The following PIEZO2 variants were observed in gnomAD, a reference collection of about 807,000 sequenced individuals.
PIEZO2 encodes piezo type mechanosensitive ion channel component 2, also known as piezo-type mechanosensitive ion channel component 2.
In PIEZO2, 172 loss-of-function variants were observed where a neutral mutation model predicts 337.3. The observed-to-expected ratio is 0.51, with a 90% CI of 0.45 to 0.58. PIEZO2 has a LOEUF of 0.58. Among genes scored for constraint, PIEZO2 ranks in the 20% least tolerant of loss-of-function variants. PIEZO2 has a pLI of 0.00. For missense variants in PIEZO2, 3,028 were observed against 3,391.3 expected, an observed-to-expected ratio of 0.89 and a Z score of 2.66; for synonymous variants, 1,251 against 1,228.5, an observed-to-expected ratio of 1.02 and a Z score of -0.38.
Position 11,027,297 on chromosome 18 carries a change from A to G in PIEZO2, c.160+38830T>C, listed in dbSNP as rs1014192160. ...GAGTTCTGAGCTCCAGTCAAGGTAT[A>G]ACCGGGCTCTGCTGGACCTGTGTGT... On this transcript the variant is annotated intron_variant, in intron 2 of 55. Transcript: ENST00000674853. The surrounding 1 kb of genome is among the most constrained non-coding windows in gnomAD (Gnocchi z 4.2). Among the ~76,000 whole-genome samples, 1 of 152,168 alleles carries G rather than the reference A, an allele frequency of 6.6e-6. No individual in the cohort carries two copies.
intron 5 of PIEZO2, among the ~76,000 whole-genome samples, chr18:10,858,800 G>A (rs901478899): frequency 6.6e-6 from 1 of 152,038 alleles, no homozygotes; most frequent in Non-Finnish European, 1.5e-5. Flanking sequence ...GATGCACCCA[G>A]CCAGCCCTCC....
chr18:10,827,568 T>C (rs2040713521), intron 7 of PIEZO2, among the ~76,000 whole-genome samples: 2 of 152,086 alleles, frequency 1.3e-5, no homozygotes, highest in South Asian at 4.1e-4. Context: ...GAAGCTTAGG[T>C]GGTATTAGGC....
chr18:10,814,390 T>A (rs549902538), intron 7 of PIEZO2, among the ~76,000 whole-genome samples: 4 of 152,288 alleles, frequency 2.6e-5, no homozygotes, highest in African/African-American at 7.2e-5. Context: ...AAACGAATAT[T>A]TGGGGACAAA....
chr18:10,808,580 A>G (rs910007331), intron 7 of PIEZO2, among the ~76,000 whole-genome samples: 11 of 152,186 alleles, frequency 7.2e-5, no homozygotes, highest in Non-Finnish European at 1.2e-4. Flanking sequence ...TAGATATTAA[A>G]CTAACTTTCT....
chr18:11,015,928 T>G (rs186536126), intron 2 of PIEZO2, among the ~76,000 whole-genome samples: 4 of 152,298 alleles, frequency 2.6e-5, no homozygotes, highest in South Asian at 4.1e-4. Flanking sequence ...TTTCTAAACG[T>G]TTTTGTAAGG....
chr18:10,780,423 A>C, intron 17 of PIEZO2, 57 bp from the exon 18 acceptor site: 2 of 702,650 alleles, frequency 2.8e-6, no homozygotes, highest in Non-Finnish European at 5.2e-6. Flanking sequence ...TTGGAGAGAA[A>C]GAGAGGAGAC....
rs2040815131 is a variant in PIEZO2, at chr18:11,146,467, C to A, written c.64+2058G>T. On this transcript the variant is annotated intron_variant, in intron 1 of 55. Transcript: ENST00000674853. This position sits in a 1 kb window ranked among gnomAD's most constrained non-coding sequence, Gnocchi z 6.1. ...CCACCTCCACCCTGGCTGCGAGTCA[C>A]CGCCCCGAGCCCCTGTGCCCAGCAA... is the stretch of plus-strand genomic sequence containing the variant. 1.3e-5 allele frequency among the ~76,000 whole-genome samples: 2 copies of A among 152,172 alleles called. No homozygotes were observed. The highest frequency in any genetic ancestry group is 2.9e-5 in the Non-Finnish European group (2 of 68,034).
intron 36 of PIEZO2, among the ~76,000 whole-genome samples, chr18:10,719,150 G>T (rs1288447092): frequency 6.6e-6 from 1 of 152,028 alleles, no homozygotes; most frequent in Non-Finnish European, 1.5e-5. Context: ...GAAAGTGCAA[G>T]ATAACCAGTT....
rs1317704705 is a variant in PIEZO2 at position 10,853,077 on chromosome 18, G to C, written c.917+2276C>G. Among the ~76,000 whole-genome samples the C allele has an allele frequency of 2.0e-5, 3 of 152,196 alleles. No homozygotes were observed. In the East Asian group the frequency reaches 5.8e-4, roughly 29 times the overall value. On this transcript the variant is annotated intron_variant, in intron 7 of 55. Transcript: ENST00000674853. This position sits in a 1 kb window ranked among gnomAD's most constrained non-coding sequence, Gnocchi z 4.2. ...GAGGTAAAATGGCGGAGTTTAACTG[G>C]TACATGACCTTGTAGGAGCATTCGG...
At chr18:10,842,165 A>G (rs1371839926) in intron 7 of PIEZO2, among the ~76,000 whole-genome samples, 2 of 149,622 alleles carry the variant, frequency 1.3e-5, no homozygotes, top group Non-Finnish European at 3.0e-5. Flanking sequence ...AAAAAAAAAA[A>G]AAGTTGGTGT....
chr18:10,763,211 T>C (rs2143890391), intron 21 of PIEZO2, 113 bp from the exon 22 acceptor site: 2 of 1,187,424 alleles, frequency 1.7e-6, no homozygotes, highest in Non-Finnish European at 2.3e-6. Flanking sequence ...GCAGACTGGA[T>C]TCCTAGCATG....
rs1420182698 is a variant in PIEZO2 at position 10,690,267 on chromosome 18, G to A, written c.7350-465C>T. Among the ~76,000 whole-genome samples the A allele has an allele frequency of 3.3e-5, 5 of 152,148 alleles. No individual in the cohort carries two copies. The East Asian group carries it at 7.7e-4, about 24-fold the overall frequency. On this transcript the variant is annotated intron_variant, in intron 48 of 55. Transcript: ENST00000674853. ...AGCCAGGGTGTGAGGCCCCTCAGCC[G>A]CAGGACTTGCTGGAGTACCACAGTG...
Position 10,856,583 on chromosome 18 carries a change from A to T in PIEZO2, c.703+418T>A, listed in dbSNP as rs2041711308. 6.6e-6 allele frequency among the ~76,000 whole-genome samples: 1 copy of T among 152,128 alleles called. No homozygotes were observed. Among genetic ancestry groups the T allele is most frequent in the Non-Finnish European group, 1.5e-5 (1 of 68,018 alleles). On this transcript the variant is annotated intron_variant, in intron 6 of 55. Transcript: ENST00000674853. This position sits in a 1 kb window ranked among gnomAD's most constrained non-coding sequence, Gnocchi z 4.7. Reference sequence around the variant, plus strand: ...GGAAGAAAAATAGTCTATCCTGGAGAGTTATATTAAGGTGACTATGGACTC... The same window carrying T: ...GGAAGAAAAATAGTCTATCCTGGAGTGTTATATTAAGGTGACTATGGACTC...
rs1403095654 is a variant in PIEZO2 at position 11,129,463 on chromosome 18, T to A, written c.64+19062A>T. 6.6e-6 allele frequency among the ~76,000 whole-genome samples: 1 copy of A among 152,214 alleles called. No homozygotes were observed. Among genetic ancestry groups the A allele is most frequent in the East Asian group, 1.9e-4 (1 of 5,194 alleles). ...GAAGTGAAATTGATAGGAAGCCTACTGCATTCTTACTTAAATTATACAAAC... is the reference window on the plus strand; with the variant it reads ...GAAGTGAAATTGATAGGAAGCCTACAGCATTCTTACTTAAATTATACAAAC... On this transcript the variant is annotated intron_variant, in intron 1 of 55. Transcript: ENST00000674853. This position sits in a 1 kb window ranked among gnomAD's most constrained non-coding sequence, Gnocchi z 4.6.
intron 21 of PIEZO2, among the ~76,000 whole-genome samples, chr18:10,768,843 C>T (rs1305379928): frequency 6.6e-6 from 1 of 152,180 alleles, no homozygotes; most frequent in Non-Finnish European, 1.5e-5. Context: ...TAAGAAATTG[C>T]ATCCTTTAAC....
intron 18 of PIEZO2, among the ~76,000 whole-genome samples, chr18:10,778,559 C>T (rs538653901): frequency 1.5e-4 from 23 of 152,224 alleles, no homozygotes; most frequent in African/African-American, 5.3e-4. Context: ...GTCTCGATCT[C>T]CTGACCTCAT....
At chr18:10,978,455 G>C (rs2034532939) in intron 3 of PIEZO2, among the ~76,000 whole-genome samples, 1 of 152,132 alleles carries the variant, frequency 6.6e-6, no homozygotes, top group South Asian at 2.1e-4. Context: ...CTTAAAAATA[G>C]ATCTTAAAAA....
rs1203229480 is a variant in PIEZO2 at position 10,699,070 on chromosome 18, A to C, written c.6549T>G (p.Ser2183=). 6.5e-7 allele frequency: 1 copy of C among 1,537,084 alleles called. No homozygotes were observed. The highest frequency in any genetic ancestry group is 2.4e-5 in the East Asian group (1 of 40,930). ...LGHGRRDSSD[S]LKSINLAASV... ...ACGCGGCCAGGTTGATGGACTTGAG[A>C]GAATCGGAGGAGTCCCTCCTGCCAT... Residue 2183 remains serine, a synonymous_variant, in exon 44 of 56, where the codon TCT becomes TCG. Coordinates refer to ENST00000674853, the MANE Select transcript of PIEZO2 (RefSeq NM_001378183.1).
At position 10,804,010 on chromosome 18, in the gene PIEZO2, A is replaced by T; in HGVS notation, c.1081-16T>A. 2 of 1,537,202 alleles carry T rather than the reference A, an allele frequency of 1.3e-6. No homozygotes were observed. Reference sequence around the variant, plus strand: ...CATCCTGCACCTGAAACACAGAAACAGGATCAGTCTTGCTTCCTGAGGCAG... The same window carrying T: ...CATCCTGCACCTGAAACACAGAAACTGGATCAGTCTTGCTTCCTGAGGCAG... On this transcript the variant is annotated splice_polypyrimidine_tract_variant and intron_variant, in intron 8 of 55. Coordinates refer to ENST00000674853, the MANE Select transcript of PIEZO2 (RefSeq NM_001378183.1).
Sources: allele counts gnomAD v4.1 joint callset (sites outside exome capture counted in the v4.1 genomes callset), GRCh38; gene constraint gnomAD v4.1.1; non-coding constraint Gnocchi (gnomAD v3.1); transcripts MANE v1.5; gene names NCBI Gene and HGNC (gene_info 2026-07-23, HGNC 2026-07-21).